CYP4X1: variants seen among roughly 807,000 people sequenced by gnomAD.
The protein encoded by CYP4X1 is cytochrome P450 family 4 subfamily X member 1, also known as cytochrome P450 4X1.
CYP4X1 carries 44 observed loss-of-function variants against 57.9 expected under a neutral mutation model. The ratio of observed to expected loss-of-function variants is 0.76; its 90% confidence interval spans 0.60 to 0.98. CYP4X1 has a LOEUF of 0.98. Ranked by LOEUF, CYP4X1 falls within the 50% of genes least tolerant of loss-of-function variation. The pLI is 0.00. For synonymous variants in CYP4X1, 227 were observed against 228.6 expected (o/e 0.99, Z 0.06); for missense variants, 532 against 623.9 (o/e 0.85, Z 1.57).
chr1:47,031,516 C>T, intron 3 of CYP4X1, 36 bp downstream of exon 3: 1 of 1,604,628 alleles, frequency 6.2e-7, no homozygotes, highest in Non-Finnish European at 8.5e-7. Context: ...AACCCACTCT[C>T]ATTCAAAGTC....
chr1:46,996,379 C>G, the CYP4X1 span, among the ~76,000 whole-genome samples: 3 of 152,130 alleles, frequency 2.0e-5, no homozygotes, highest in African/African-American at 7.2e-5. Context: ...TCATGTTTGC[C>G]ATGTTTCTTC....
At chr1:47,004,951 A>C in the CYP4X1 span, among the ~76,000 whole-genome samples, 1 of 152,224 alleles carries the variant, frequency 6.6e-6, no homozygotes. Context: ...ATGGGAAGCC[A>C]CAAATTATAA....
the CYP4X1 span, among the ~76,000 whole-genome samples, chr1:46,989,902 G>A: frequency 2.0e-5 from 3 of 152,192 alleles, no homozygotes; most frequent in Non-Finnish European, 4.4e-5. Flanking sequence ...ATTAATGCAA[G>A]ATGGATTAAA....
chr1:46,986,233 CA>C, the CYP4X1 span, among the ~76,000 whole-genome samples: 1 of 152,008 alleles, frequency 6.6e-6, no homozygotes, highest in African/African-American at 2.4e-5. Context: ...ATACAAGTAT[CA>C]ATAGTTGAAT....
chr1:47,054,008 A>T (rs1644375819), downstream of CYP4X1, among the ~76,000 whole-genome samples: 1 of 151,604 alleles, frequency 6.6e-6, no homozygotes, highest in South Asian at 2.1e-4. Context: ...TTATGTCCTG[A>T]ATGGCATTGC....
At chr1:46,991,997 A>G in the CYP4X1 span, among the ~76,000 whole-genome samples, 4 of 152,148 alleles carry the variant, frequency 2.6e-5, no homozygotes, top group Admixed American at 6.5e-5. Flanking sequence ...CCCCACTCCC[A>G]GGACTGTCAT....
At chr1:47,022,621 A>G (rs1202028703), upstream of CYP4X1, among the ~76,000 whole-genome samples, 2 of 152,074 alleles carry the variant, frequency 1.3e-5, no homozygotes, top group East Asian at 1.9e-4. Context: ...TTACCCGCCA[A>G]ATAAAATCTG....
the CYP4X1 span, among the ~76,000 whole-genome samples, chr1:46,964,143 G>A: frequency 0.046 from 7,042 of 152,102 alleles, 545 homozygotes; most frequent in African/African-American, 0.15. Context: ...TTATCCATTC[G>A]TCTAATCTTT....
At chr1:47,003,665 G>A in the CYP4X1 span, among the ~76,000 whole-genome samples, 4 of 151,964 alleles carry the variant, frequency 2.6e-5, no homozygotes, top group African/African-American at 9.7e-5. Context: ...AGTAGGGTGG[G>A]GAGGTGCCAC....
the CYP4X1 span, among the ~76,000 whole-genome samples, chr1:47,004,793 C>G: frequency 6.6e-6 from 1 of 152,108 alleles, no homozygotes; most frequent in East Asian, 1.9e-4. Flanking sequence ...TCCCTTATCC[C>G]TACATGTGGT....
At chr1:47,044,466 G>A (rs1644279563) in intron 8 of CYP4X1, among the ~76,000 whole-genome samples, 1 of 152,026 alleles carries the variant, frequency 6.6e-6, no homozygotes, top group Non-Finnish European at 1.5e-5. Flanking sequence ...ACAAATTATT[G>A]TAGCAACAGT....
At chr1:47,047,750 C>T (rs1644317710) in intron 9 of CYP4X1, among the ~76,000 whole-genome samples, 1 of 152,018 alleles carries the variant, frequency 6.6e-6, no homozygotes, top group African/African-American at 2.4e-5. Flanking sequence ...TACAGGTGCA[C>T]ACCACGCCTG....
chr1:47,042,778 T>C lies in CYP4X1; in HGVS notation c.1073+3246T>C, dbSNP rs537064544. On this transcript the variant is annotated intron_variant, in intron 8 of 11. Transcript: ENST00000371901. ...CCAATTCCATCCAGATTGCTGCGAA[T>C]GCCTTTATTTTGTTCCTTTTCATGG... is the stretch of plus-strand genomic sequence containing the variant. 6.8e-4 allele frequency among the ~76,000 whole-genome samples: 104 copies of C among 152,316 alleles called. 1 individual carries two copies. The highest frequency in any genetic ancestry group is 2.4e-3 in the African/African-American group (99 of 41,578).
the CYP4X1 span, among the ~76,000 whole-genome samples, chr1:46,992,138 C>T: frequency 6.6e-6 from 1 of 152,152 alleles, no homozygotes; most frequent in Non-Finnish European, 1.5e-5. Context: ...GAAACCCTGT[C>T]TCTACTAAAA....
At chr1:47,043,694 T>C (rs1356658069) in intron 8 of CYP4X1, among the ~76,000 whole-genome samples, 1 of 152,182 alleles carries the variant, frequency 6.6e-6, no homozygotes, top group African/African-American at 2.4e-5. Flanking sequence ...GTTTCATGCT[T>C]CTACATGTGG....
At chr1:47,008,325 A>G in the CYP4X1 span, among the ~76,000 whole-genome samples, 13 of 152,180 alleles carry the variant, frequency 8.5e-5, no homozygotes, top group Admixed American at 2.6e-4. Context: ...GCCAAACTAA[A>G]CTTCATAAGT....
the CYP4X1 span, among the ~76,000 whole-genome samples, chr1:46,962,697 CA>C: frequency 6.6e-6 from 1 of 152,134 alleles, no homozygotes; most frequent in Non-Finnish European, 1.5e-5. Context: ...GGAATAAGTG[CA>C]GTGTCGTTCT....
intron 4 of CYP4X1, among the ~76,000 whole-genome samples, chr1:47,034,483 A>G (rs1318062193): frequency 6.6e-6 from 1 of 152,250 alleles, no homozygotes; most frequent in East Asian, 1.9e-4. Flanking sequence ...AGACACCTCA[A>G]ACACCACAAA....
At chr1:47,016,664 C>A in the CYP4X1 span, among the ~76,000 whole-genome samples, 1 of 152,258 alleles carries the variant, frequency 6.6e-6, no homozygotes, top group South Asian at 2.1e-4. Flanking sequence ...CTATGGGGTA[C>A]ATGAGATGTT....
Sources: gnomAD v4.1 joint callset for allele counts (sites outside exome capture counted in the v4.1 genomes callset) on GRCh38, gnomAD v4.1.1 for gene constraint, MANE v1.5 for transcripts, NCBI Gene and HGNC (gene_info 2026-07-23, HGNC 2026-07-21) for gene names.